SAMSN1: variants seen among roughly 807,000 people sequenced by gnomAD.
SAMSN1 encodes SAM domain-containing protein SAMSN-1.
Under a neutral mutation model 42.0 loss-of-function variants are expected in SAMSN1, and 31 were observed. That is an observed-to-expected ratio of 0.74 (90% CI 0.55 to 1.00). The LOEUF (loss-of-function observed/expected upper bound fraction) is 1.00. Ranked by LOEUF, SAMSN1 falls within the 50% of genes least tolerant of loss-of-function variation. The pLI is 0.00. For synonymous variants in SAMSN1, 178 were observed against 151.9 expected (o/e 1.17, Z -1.26); for missense variants, 464 against 439.4 (o/e 1.06, Z -0.50).
intron 2 of SAMSN1, among the ~76,000 whole-genome samples, chr21:14,565,281 C>G (rs1280259070): frequency 8.1e-6 from 1 of 124,112 alleles, no homozygotes; most frequent in Non-Finnish European, 1.7e-5. Flanking sequence ...TGGCAAGACT[C>G]TATCCAAAAA....
chr21:14,638,930 T>A (rs1298733175), intron 2 of SAMSN1, among the ~76,000 whole-genome samples: 1 of 152,210 alleles, frequency 6.6e-6, no homozygotes, highest in Non-Finnish European at 1.5e-5. Context: ...TATTAAGACT[T>A]TCTTTAGCTT....
intron 5 of SAMSN1, among the ~76,000 whole-genome samples, chr21:14,505,415 C>A (rs1176881771): frequency 6.6e-6 from 1 of 152,114 alleles, no homozygotes; most frequent in Non-Finnish European, 1.5e-5. Context: ...ATATTTCATT[C>A]AAATGGACAC....
intron 1 of SAMSN1, chr21:14,643,218 T>C: frequency 3.1e-6 from 2 of 650,052 alleles, no homozygotes; most frequent in East Asian, 5.4e-5. Context: ...CCCACCTTTA[T>C]ATAGTACTTT....
chr21:14,572,638 A>C (rs1983537), intron 2 of SAMSN1, among the ~76,000 whole-genome samples: 27,371 of 152,146 alleles, frequency 0.18, 3,550 homozygotes, highest in East Asian at 0.48. Flanking sequence ...TGCCTAATTC[A>C]TAGAGCTAGT....
chr21:14,561,148 C>T (rs968826875), intron 2 of SAMSN1, among the ~76,000 whole-genome samples: 1 of 152,088 alleles, frequency 6.6e-6, no homozygotes, highest in Non-Finnish European at 1.5e-5. Context: ...AGGTATCTTT[C>T]ACGCTGCCCC....
chr21:14,564,542 C>A (rs1981049208), intron 2 of SAMSN1, among the ~76,000 whole-genome samples: 1 of 152,164 alleles, frequency 6.6e-6, no homozygotes, highest in African/African-American at 2.4e-5. Context: ...CTGTCTGACA[C>A]CACTGTACCA....
chr21:14,579,007 A>G (rs1981606787), intron 2 of SAMSN1, among the ~76,000 whole-genome samples: 1 of 152,092 alleles, frequency 6.6e-6, no homozygotes, highest in Non-Finnish European at 1.5e-5. Flanking sequence ...CTAAATAATA[A>G]CCCTGCAATT....
chr21:14,490,331 A>G lies in SAMSN1; in HGVS notation c.920-4217T>C, dbSNP rs576135921. 6.6e-5 allele frequency among the ~76,000 whole-genome samples: 10 copies of G among 152,340 alleles called. No homozygotes were observed. In the South Asian group the frequency reaches 2.1e-3, roughly 32 times the overall value. On this transcript the variant is annotated intron_variant, in intron 7 of 7. Transcript: ENST00000400566. ...TCATATGAGAATACCTCTCAGCTCC[A>G]TCAATCATCCTCCTGTTTTTCTCTA...
In SAMSN1 at chr21:14,631,945, A is replaced by AGAAGGAAG. The variant is rs111991572; in HGVS notation, c.156+11049_156+11056dup. Among the ~76,000 whole-genome samples the AGAAGGAAG allele has an allele frequency of 2.6e-5, 4 of 152,026 alleles. No homozygotes were observed. In the East Asian group the frequency reaches 5.8e-4, roughly 22 times the overall value. ...AAGAGAAGAAAAAAGAGAAGTAGGAAGAAGGAAGGAAGGAAGGAAGGAAGG... is the reference window on the plus strand; with the variant it reads ...AAGAGAAGAAAAAAGAGAAGTAGGAAGAAGGAAGGAAGGAAGGAAGGAAGGAAGGAAGG... On this transcript the variant is annotated intron_variant, in intron 2 of 15. Transcript: ENST00000647101.
intron 1 of SAMSN1, among the ~76,000 whole-genome samples, chr21:14,528,515 T>C (rs1395633211): frequency 6.6e-6 from 1 of 152,162 alleles, no homozygotes; most frequent in Non-Finnish European, 1.5e-5. Context: ...TGAGGATCTG[T>C]TTTGGCCCAA....
intron 2 of SAMSN1, among the ~76,000 whole-genome samples, chr21:14,579,475 A>T (rs1981625764): frequency 6.6e-6 from 1 of 152,202 alleles, no homozygotes; most frequent in African/African-American, 2.4e-5. Context: ...GAATGAGGAA[A>T]GCTTTGGCTA....
chr21:14,650,219 G>T (rs944796367), intron 1 of SAMSN1, among the ~76,000 whole-genome samples: 1 of 152,050 alleles, frequency 6.6e-6, no homozygotes, highest in Non-Finnish European at 1.5e-5. Flanking sequence ...GAACATTTCA[G>T]CCAAAAGCTG....
intron 1 of SAMSN1, among the ~76,000 whole-genome samples, chr21:14,538,701 T>A (rs574554112): frequency 6.6e-6 from 1 of 152,256 alleles, no homozygotes; most frequent in East Asian, 1.9e-4. Context: ...GGCAGTGCAG[T>A]GAAAACAGCT....
In SAMSN1 at chr21:14,510,452, G is replaced by C; in HGVS notation, c.419C>G (p.Thr140Arg). The C allele has an allele frequency of 6.2e-7, 1 of 1,614,178 alleles. No individual in the cohort carries two copies. The highest frequency in any genetic ancestry group is 1.1e-5 in the South Asian group (1 of 91,088). The part of the protein sequence containing the change: ...YSGQSSSSGI[T>R]SCSDGTSNRD... ...GTTACTTGTACCATCTGAACAGCTT[G>C]TTATGCCACCTGATGAAAGCAGAAG... The change falls in exon 5 of 8, where the codon ACA becomes AGA. Residue 140 changes from threonine (T) to arginine (R), a missense_variant. Thr to Arg is a moderately conservative substitution (Grantham distance 71). Coordinates refer to ENST00000400566, the MANE Select transcript of SAMSN1 (RefSeq NM_022136.5).
chr21:14,588,226 T>A (rs1410352838), upstream of SAMSN1, among the ~76,000 whole-genome samples: 9 of 115,558 alleles, frequency 7.8e-5, no homozygotes, highest in African/African-American at 2.9e-4. Context: ...TGTGTCTTTA[T>A]AGCAGCATGA....
At position 14,582,755 on chromosome 21, in the gene SAMSN1, G is replaced by C. The variant is rs543992941; in HGVS notation, c.-92-267C>G. Among the ~76,000 whole-genome samples the C allele has an allele frequency of 8.6e-5, 13 of 151,982 alleles. No individual in the cohort carries two copies. The East Asian group carries it at 2.5e-3, about 29-fold the overall frequency. On this transcript the variant is annotated intron_variant, in intron 1 of 8. Transcript: ENST00000285670. ...TTCTATCTCACTGGAAAGAATGGAG[G>C]CCACATACAAATAATATGCTGAAAG...
At chr21:14,490,288 A>G (rs1479754283) in intron 7 of SAMSN1, among the ~76,000 whole-genome samples, 1 of 152,212 alleles carries the variant, frequency 6.6e-6, no homozygotes, top group African/African-American at 2.4e-5. Context: ...GAGAGCAAAA[A>G]AGGAATTTTG....
chr21:14,530,312 G>A (rs1276006829), intron 1 of SAMSN1, among the ~76,000 whole-genome samples: 26 of 91,478 alleles, frequency 2.8e-4, no homozygotes, highest in African/African-American at 6.9e-4. Flanking sequence ...GCGAGACTCC[G>A]TCTCAAAAAA....
chr21:14,511,607 T>C (rs1199724696), intron 4 of SAMSN1, among the ~76,000 whole-genome samples: 1 of 152,178 alleles, frequency 6.6e-6, no homozygotes, highest in Admixed American at 6.5e-5. Flanking sequence ...ACAGAAGCAG[T>C]TGATTTAAAA....
Sources: gnomAD v4.1 joint callset for allele counts (sites outside exome capture counted in the v4.1 genomes callset) on GRCh38, gnomAD v4.1.1 for gene constraint, MANE v1.5 for transcripts, NCBI Gene and HGNC (gene_info 2026-07-23, HGNC 2026-07-21) for gene names.